The following IQGAP2 variants were observed in gnomAD, a reference collection of about 807,000 sequenced individuals.
IQGAP2 encodes the protein ras GTPase-activating-like protein IQGAP2.
IQGAP2 carries 173 observed loss-of-function variants against 201.3 expected under a neutral mutation model. That is an observed-to-expected ratio of 0.86 (90% confidence interval 0.76 to 0.98). The LOEUF (loss-of-function observed/expected upper bound fraction) is 0.98. Ranked by LOEUF, IQGAP2 falls within the 50% of genes least tolerant of loss-of-function variation. The pLI, the probability that IQGAP2 is intolerant of heterozygous loss-of-function variation, is 0.00. For synonymous variants in IQGAP2, 675 were observed against 673.9 expected, an observed-to-expected ratio of 1.00 and a Z score of -0.03; for missense variants, 1,687 against 1,864.8, an observed-to-expected ratio of 0.90 and a Z score of 1.76.
chr5:76,615,440 C>T (rs1748855712), intron 13 of IQGAP2: 1 of 152,138 alleles, frequency 6.6e-6, no homozygotes, highest in South Asian at 2.1e-4. Context: ...AAGCTTTTTA[C>T]TTAAGTCTGA....
intron 9 of IQGAP2, 92 bp from the exon 10 acceptor site, chr5:76,597,347 T>C: frequency 7.6e-7 from 1 of 1,312,260 alleles, no homozygotes. Context: ...AAGTAACTGC[T>C]TAGGTTCAAA....
At chr5:76,619,481 G>GGATTTT (rs1448550602) in intron 13 of IQGAP2, among the ~76,000 whole-genome samples, 3 of 151,590 alleles carry the variant, frequency 2.0e-5, no homozygotes, top group African/African-American at 7.3e-5. Context: ...CTAGCAAAAG[G>GGATTTT]GATTTTGCAG....
chr5:76,585,029 A>G (rs1257030156), intron 5 of IQGAP2, among the ~76,000 whole-genome samples: 1 of 152,264 alleles, frequency 6.6e-6, no homozygotes, highest in Non-Finnish European at 1.5e-5. Flanking sequence ...TTTGGTATAG[A>G]TAAAATCAGA....
chr5:76,412,668 T>G (rs1455766695), intron 1 of IQGAP2, among the ~76,000 whole-genome samples: 1 of 152,220 alleles, frequency 6.6e-6, no homozygotes, highest in East Asian at 1.9e-4. Flanking sequence ...TAGAAGATAC[T>G]CAGTAAATAT....
At chr5:76,534,608 A>T (rs930780795) in intron 2 of IQGAP2, among the ~76,000 whole-genome samples, 5 of 152,232 alleles carry the variant, frequency 3.3e-5, no homozygotes, top group Admixed American at 6.5e-5. Context: ...ATCCTCATTA[A>T]TACTTGTTTT....
chr5:76,438,509 C>A (rs773607948), intron 1 of IQGAP2, among the ~76,000 whole-genome samples: 9 of 152,014 alleles, frequency 5.9e-5, no homozygotes, highest in Non-Finnish European at 1.3e-4. Context: ...ATGTCATGAT[C>A]TTGGCTCACT....
At chr5:76,519,558 C>T (rs1168648975) in intron 2 of IQGAP2, among the ~76,000 whole-genome samples, 1 of 152,196 alleles carries the variant, frequency 6.6e-6, no homozygotes, top group African/African-American at 2.4e-5. Context: ...AAGTATCTAG[C>T]AGTACTGGGT....
chr5:76,583,680 A>G (rs965177593), intron 5 of IQGAP2, among the ~76,000 whole-genome samples: 40 of 152,228 alleles, frequency 2.6e-4, no homozygotes, highest in African/African-American at 9.6e-4. Flanking sequence ...ATGTTTGTTT[A>G]TTGTAAGATT....
intron 2 of IQGAP2, among the ~76,000 whole-genome samples, chr5:76,462,135 C>T (rs1384788104): frequency 6.6e-6 from 1 of 152,144 alleles, no homozygotes; most frequent in Non-Finnish European, 1.5e-5. Flanking sequence ...ATCACGGGGC[C>T]AACTGCAGAT....
intron 27 of IQGAP2, among the ~76,000 whole-genome samples, chr5:76,675,404 C>T (rs1465687455): frequency 1.3e-5 from 2 of 152,268 alleles, no homozygotes; most frequent in East Asian, 3.9e-4. Flanking sequence ...GTTAGGAAAA[C>T]CCAGATTTTA....
intron 2 of IQGAP2, among the ~76,000 whole-genome samples, chr5:76,516,726 A>G (rs545679452): frequency 7.6e-4 from 116 of 152,326 alleles, no homozygotes; most frequent in African/African-American, 2.5e-3. Flanking sequence ...ATGTTAACTG[A>G]CGGTTGAACA....
chr5:76,520,351 G>C (rs999001498), intron 2 of IQGAP2, among the ~76,000 whole-genome samples: 2 of 152,092 alleles, frequency 1.3e-5, no homozygotes, highest in African/African-American at 4.8e-5. Flanking sequence ...TAGTAGAGAC[G>C]GGGTTTCTCC....
At chr5:76,614,040 T>G (rs1020981331) in intron 13 of IQGAP2, among the ~76,000 whole-genome samples, 1 of 152,098 alleles carries the variant, frequency 6.6e-6, no homozygotes, top group African/African-American at 2.4e-5. Flanking sequence ...CACACCAAAG[T>G]CAGGATCTTC....
intron 2 of IQGAP2, among the ~76,000 whole-genome samples, chr5:76,514,596 G>A (rs1423226013): frequency 2.0e-5 from 3 of 152,222 alleles, no homozygotes; most frequent in South Asian, 2.1e-4. Flanking sequence ...CTCCCTCCTC[G>A]GTTTCTCCAT....
chr5:76,658,136 C>T (rs1377381914), intron 20 of IQGAP2, among the ~76,000 whole-genome samples: 2 of 152,120 alleles, frequency 1.3e-5, no homozygotes, highest in African/African-American at 4.8e-5. Context: ...TTCCCAGGTT[C>T]CTGAGGAATG....
At chr5:76,509,057 G>T (rs1033344914) in intron 2 of IQGAP2, among the ~76,000 whole-genome samples, 1 of 141,856 alleles carries the variant, frequency 7.0e-6, no homozygotes. Flanking sequence ...GTGTGTGTGT[G>T]TATGTATGTA....
intron 21 of IQGAP2, among the ~76,000 whole-genome samples, chr5:76,663,414 C>G (rs1743444219): frequency 6.6e-6 from 1 of 152,190 alleles, no homozygotes; most frequent in South Asian, 2.1e-4. Flanking sequence ...GCCACTTACT[C>G]TGGGACAGTG....
chr5:76,486,246 A>G lies in IQGAP2; in HGVS notation c.146+24577A>G, dbSNP rs182095721. Among the ~76,000 whole-genome samples, 284 of 152,348 alleles carry G rather than the reference A, an allele frequency of 1.9e-3. 2 individuals carry two copies. Among genetic ancestry groups the G allele is most frequent in the African/African-American group, 6.3e-3 (263 of 41,584 alleles). ...AAGGTTATAGTTTGAAAAGCTTATC[A>G]TGGGAATTTTTAGCCATCTTTTAAA... On this transcript the variant is annotated intron_variant, in intron 2 of 35. Coordinates refer to ENST00000274364, the MANE Select transcript of IQGAP2 (RefSeq NM_006633.5).
chr5:76,504,999 C>T (rs1757524962), intron 2 of IQGAP2, among the ~76,000 whole-genome samples: 2 of 152,134 alleles, frequency 1.3e-5, no homozygotes. Context: ...TCCCCACTGC[C>T]CACCATCCTC....
Sources: allele counts gnomAD v4.1 joint callset (sites outside exome capture counted in the v4.1 genomes callset), GRCh38; gene constraint gnomAD v4.1.1; transcripts MANE v1.5; gene names NCBI Gene and HGNC (gene_info 2026-07-23, HGNC 2026-07-21).